Variants in MASP1 observed in about 807,000 individuals in gnomAD.
MASP1 encodes the protein mannan-binding lectin serine protease 1.
A neutral mutation model predicts 77.1 loss-of-function variants in MASP1; 59 were observed. That is an observed-to-expected ratio of 0.77 (90% confidence interval 0.62 to 0.95). The LOEUF (loss-of-function observed/expected upper bound fraction) is 0.95. Ranked by LOEUF, MASP1 falls within the 40% of genes least tolerant of loss-of-function variation. MASP1 has a pLI of 0.00. For synonymous variants in MASP1, 362 were observed against 354.5 expected, an observed-to-expected ratio of 1.02 and a Z score of -0.24; for missense variants, 885 against 912.9, an observed-to-expected ratio of 0.97 and a Z score of 0.39.
At chr3:187,245,121 A>T (rs989539988) in intron 8 of MASP1, 1 of 152,228 alleles carries the variant, frequency 6.6e-6, no homozygotes, top group African/African-American at 2.4e-5. Flanking sequence ...TGTTTTGATG[A>T]TCCAAAAGTA....
chr3:187,218,827 G>A (rs1236937015), exon 16 of MASP1: 1 of 152,238 alleles, frequency 6.6e-6, no homozygotes, highest in Non-Finnish European at 1.5e-5. Flanking sequence ...GAGGCATTTT[G>A]CTTGGAAAAC....
downstream of MASP1, among the ~76,000 whole-genome samples, chr3:187,233,275 A>G (rs1298436703): frequency 6.6e-6 from 1 of 152,090 alleles, no homozygotes; most frequent in Non-Finnish European, 1.5e-5. Flanking sequence ...ATATACCCCA[A>G]ACTTAGAGAA....
At chr3:187,220,145 CCTT>C in exon 16 of MASP1, 1 of 1,614,170 alleles carries the variant, frequency 6.2e-7, no homozygotes, top group Non-Finnish European at 8.5e-7. Context: ...CCGTAGCGGT[CCTT>C]CTTCCCACAG....
downstream of MASP1, chr3:187,234,051 C>T (rs370433759): frequency 7.5e-6 from 9 of 1,205,450 alleles, no homozygotes; most frequent in African/African-American, 9.5e-5. Flanking sequence ...AACACACTTC[C>T]CCAACAATAA....
At chr3:187,229,756 C>G, downstream of MASP1, 1 of 1,614,056 alleles carries the variant, frequency 6.2e-7, no homozygotes. Context: ...CACCTTCTCC[C>G]TACCTAGAAG....
At chr3:187,266,141 C>A (rs1403615900) in intron 2 of MASP1, among the ~76,000 whole-genome samples, 2 of 152,180 alleles carry the variant, frequency 1.3e-5, no homozygotes, top group Non-Finnish European at 2.9e-5. Context: ...ATAAACTCTT[C>A]ATTTTTCTAT....
chr3:187,269,429 C>G (rs1476500615), intron 2 of MASP1, among the ~76,000 whole-genome samples: 1 of 152,182 alleles, frequency 6.6e-6, no homozygotes, highest in African/African-American at 2.4e-5. Context: ...CCTCAGGTTT[C>G]TATGTACAGA....
At chr3:187,226,653 T>C in intron 11 of MASP1, 1 of 700,252 alleles carries the variant, frequency 1.4e-6, no homozygotes, top group South Asian at 1.5e-5. Context: ...CTCTCCATTG[T>C]ATTTTATGGC....
At chr3:187,225,241 G>A in intron 13 of MASP1, 1 of 1,473,898 alleles carries the variant, frequency 6.8e-7, no homozygotes, top group Non-Finnish European at 9.5e-7. Flanking sequence ...TGACTTAATT[G>A]GCACCAGAGC....
intron 2 of MASP1, among the ~76,000 whole-genome samples, chr3:187,272,447 C>A (rs183805927): frequency 6.6e-6 from 1 of 152,122 alleles, no homozygotes; most frequent in African/African-American, 2.4e-5. Flanking sequence ...CAAGTCCTAA[C>A]CCCTGTTTCT....
Position 187,235,653 on chromosome 3 carries a change from G to A in MASP1, c.*31C>T, listed in dbSNP as rs1412773078. The A allele has an allele frequency of 1.2e-6, 2 of 1,612,948 alleles. No homozygotes were observed. The highest frequency in any genetic ancestry group is 2.7e-5 in the African/African-American group (2 of 74,932). Reference sequence around the variant, plus strand: ...CGGAAGTGCGGTGTAGCTTCGCTCAGGGGAGGCAGGCCCCGAGGAAGTAAG... The same window carrying A: ...CGGAAGTGCGGTGTAGCTTCGCTCAAGGGAGGCAGGCCCCGAGGAAGTAAG... On this transcript the variant is annotated 3_prime_UTR_variant, in exon 11 of 11. Transcript: ENST00000296280.
chr3:187,290,085 A>G (rs1381484165), intron 1 of MASP1, among the ~76,000 whole-genome samples: 1 of 152,250 alleles, frequency 6.6e-6, no homozygotes, highest in African/African-American at 2.4e-5. Context: ...GGTGCTGGCC[A>G]TACAAAGATG....
intron 8 of MASP1, chr3:187,247,095 T>C: frequency 1.4e-6 from 2 of 1,419,148 alleles, no homozygotes; most frequent in South Asian, 1.5e-5. Flanking sequence ...TCCCACATTT[T>C]TTTTTCATTA....
chr3:187,259,735 A>G (rs529470255), intron 4 of MASP1, among the ~76,000 whole-genome samples: 27 of 152,282 alleles, frequency 1.8e-4, no homozygotes, highest in African/African-American at 6.0e-4. Flanking sequence ...CTGATGTGTT[A>G]TATAGGGTTT....
At chr3:187,282,331 T>C (rs1717486472) in intron 2 of MASP1, among the ~76,000 whole-genome samples, 2 of 151,910 alleles carry the variant, frequency 1.3e-5, no homozygotes, top group Non-Finnish European at 2.9e-5. Flanking sequence ...ACCCCGTCTC[T>C]GCTAAAATAC....
intron 8 of MASP1, chr3:187,246,833 ACT>A (rs1408187862): frequency 5.0e-6 from 5 of 997,082 alleles, no homozygotes; most frequent in African/African-American, 1.7e-5. Flanking sequence ...AAAAATCCAC[ACT>A]CTGTGAGTTA....
chr3:187,265,528 T>C (rs910119234), intron 2 of MASP1, among the ~76,000 whole-genome samples: 1 of 150,930 alleles, frequency 6.6e-6, no homozygotes. Context: ...TACATCCTTT[T>C]AGAAGCAGAG....
chr3:187,281,012 T>G (rs923556717), intron 2 of MASP1, among the ~76,000 whole-genome samples: 3 of 152,206 alleles, frequency 2.0e-5, no homozygotes, highest in Non-Finnish European at 4.4e-5. Context: ...CCAAGGTTAA[T>G]GAGTATAGAA....
At chr3:187,257,393 C>T (rs1715185136) in intron 4 of MASP1, among the ~76,000 whole-genome samples, 1 of 148,744 alleles carries the variant, frequency 6.7e-6, no homozygotes, top group Non-Finnish European at 1.5e-5. Flanking sequence ...TTTATTGAGA[C>T]AGAACTTTAC....
Sources: allele counts gnomAD v4.1 joint callset (sites outside exome capture counted in the v4.1 genomes callset), GRCh38; gene constraint gnomAD v4.1.1; transcripts MANE v1.5; gene names NCBI Gene and HGNC (gene_info 2026-07-23, HGNC 2026-07-21).